ADI1: variants seen among roughly 807,000 people sequenced by gnomAD.
The protein encoded by ADI1 is acireductone dioxygenase 1.
Under a neutral mutation model 18.7 loss-of-function variants are expected in ADI1, and 21 were observed. The observed-to-expected ratio is 1.13, with a 90% CI of 0.80 to 1.62. The LOEUF (loss-of-function observed/expected upper bound fraction) is 1.62. ADI1 is among the 40% of genes most tolerant of loss of function. The pLI is 0.00. For synonymous variants in ADI1, 90 were observed against 100.1 expected (o/e 0.90, Z 0.60); for missense variants, 245 against 254.9 (o/e 0.96, Z 0.26).
chr2:3,501,521 C>T (rs1363916332), intron 2 of ADI1, among the ~76,000 whole-genome samples: 1 of 152,122 alleles, frequency 6.6e-6, no homozygotes, highest in African/African-American at 2.4e-5. Flanking sequence ...TTTTCTATGT[C>T]TTCACATTGA....
chr2:3,502,037 ACACAC>A (rs779052938), intron 2 of ADI1, among the ~76,000 whole-genome samples: 31,583 of 101,846 alleles, frequency 0.31, 3,914 homozygotes, highest in African/African-American at 0.54. Flanking sequence ...ACACACACAC[ACACAC>A]AGAGACAGGG....
At position 3,513,633 on chromosome 2, in the gene ADI1, G is replaced by A. The variant is rs369917723; in HGVS notation, c.240+224C>T. On this transcript the variant is annotated intron_variant, in intron 2 of 3. Transcript: ENST00000327435. Reference sequence around the variant, plus strand: ...ATGTAAGCTTCCTGAGGCCTCCCCAGAAGCAGATGGTGGTGACAGGAAGCA... The same window carrying A: ...ATGTAAGCTTCCTGAGGCCTCCCCAAAAGCAGATGGTGGTGACAGGAAGCA... Among the ~76,000 whole-genome samples, 18 of 152,284 alleles carry A rather than the reference G, an allele frequency of 1.2e-4. No homozygotes were observed. The East Asian group carries it at 1.9e-3, about 16-fold the overall frequency.
At position 3,500,895 on chromosome 2, in the gene ADI1, C is replaced by G; in HGVS notation, c.339G>C (p.Gln113His). ...GYFDVRDKED[Q>H]WIRIFMEKGD... ...CCTTCTCCATGAAGATCCGGATCCA[C>G]TGGTCCTCCTTGTCCCTCACATCGA... Residue 113 changes from glutamine (Q) to histidine (H), a missense_variant, in exon 3 of 4, where the codon CAG becomes CAC. Gln to His is a conservative substitution (Grantham distance 24). Coordinates refer to ENST00000327435, the MANE Select transcript of ADI1 (RefSeq NM_018269.4). The G allele has an allele frequency of 1.9e-6, 3 of 1,614,262 alleles. No homozygotes were observed. Among genetic ancestry groups the G allele is most frequent in the Non-Finnish European group, 2.5e-6 (3 of 1,180,046 alleles).
chr2:3,509,676 T>G (rs1667252669), intron 2 of ADI1, among the ~76,000 whole-genome samples: 2 of 151,978 alleles, frequency 1.3e-5, no homozygotes, highest in East Asian at 3.9e-4. Flanking sequence ...AAAAGTTGTG[T>G]GAAGCCACTA....
At chr2:3,514,749 G>A (rs1667362035) in intron 1 of ADI1, 4 of 1,526,768 alleles carry the variant, frequency 2.6e-6, no homozygotes, top group Non-Finnish European at 3.5e-6. Flanking sequence ...ACTACTGGCA[G>A]TGAATCTAGC....
At chr2:3,500,498 G>GGTGACAACCCTAGAGAT in intron 3 of ADI1, 1 of 491,144 alleles carries the variant, frequency 2.0e-6, no homozygotes, top group Non-Finnish European at 3.7e-6. Flanking sequence ...CAAGGGCTGG[G>GGTGACAACCCTAGAGAT]GCAGGGCCAG....
intron 3 of ADI1, among the ~76,000 whole-genome samples, chr2:3,499,451 G>A (rs1210868489): frequency 6.6e-6 from 1 of 152,172 alleles, no homozygotes; most frequent in South Asian, 2.1e-4. Flanking sequence ...ATTAGCATCA[G>A]GGCCCACATG....
At chr2:3,505,232 T>C (rs545858035) in intron 2 of ADI1, among the ~76,000 whole-genome samples, 4 of 152,342 alleles carry the variant, frequency 2.6e-5, no homozygotes, top group African/African-American at 7.2e-5. Flanking sequence ...ACCAACTCTT[T>C]TTAAATCTGT....
intron 2 of ADI1, among the ~76,000 whole-genome samples, chr2:3,502,204 A>T (rs958634158): frequency 1.3e-4 from 19 of 151,652 alleles, no homozygotes; most frequent in African/African-American, 3.9e-4. Flanking sequence ...TTTTTAAAAA[A>T]ATTTTTTCTA....
intron 3 of ADI1, among the ~76,000 whole-genome samples, chr2:3,499,402 A>G (rs1666943854): frequency 6.6e-6 from 1 of 151,778 alleles, no homozygotes; most frequent in East Asian, 1.9e-4. Flanking sequence ...TGTACCCTCC[A>G]CCTCCTCTCC....
At chr2:3,500,302 G>A (rs12328995) in intron 3 of ADI1, among the ~76,000 whole-genome samples, 45,552 of 151,112 alleles carry the variant, frequency 0.3, 9,879 homozygotes, top group African/African-American at 0.62. Context: ...TACCCCAATC[G>A]CCTCCAGTGA....
rs190691008 is a variant in ADI1, at chr2:3,514,980, G to A, written c.121-1004C>T. 1,752 of 1,275,378 alleles carry A rather than the reference G, an allele frequency of 1.4e-3. 1 individual carries two copies. Among genetic ancestry groups the A allele is most frequent in the Non-Finnish European group, 1.7e-3 (1,622 of 954,958 alleles). The allele number at this position is 1,275,378 out of a possible 1,614,324, so 79.0% of individuals were successfully genotyped here. A position where few individuals can be genotyped will look rare whatever the true frequency, so the allele number is the denominator to read the frequency against. On this transcript the variant is annotated intron_variant, in intron 1 of 3. Transcript: ENST00000327435. ...TTAATCTCTTAATCCTGTTATCTTC[G>A]TAAGCTGAGGATGTATGTCACCTCA...
rs941074924 is a variant in ADI1 at position 3,519,363 on chromosome 2, C to G, written c.120+5G>C. The G allele has an allele frequency of 2.8e-6, 4 of 1,429,022 alleles. No individual in the cohort carries two copies. Among genetic ancestry groups the G allele is most frequent in the Non-Finnish European group, 3.6e-6 (4 of 1,097,378 alleles). The allele number at this position is 1,429,022 out of a possible 1,614,324, so 88.5% of individuals were successfully genotyped here. Reference sequence around the variant, plus strand: ...GCACGCTCTGCGAGGCTTGGGCTCGCGTACCTTCCAGTAGAGCACCCCGAG... The same window carrying G: ...GCACGCTCTGCGAGGCTTGGGCTCGGGTACCTTCCAGTAGAGCACCCCGAG... On this transcript the variant is annotated splice_donor_5th_base_variant and intron_variant, in intron 1 of 3. Coordinates refer to ENST00000327435, the MANE Select transcript of ADI1 (RefSeq NM_018269.4).
Position 3,505,478 on chromosome 2 carries a change from T to A in ADI1, c.241-4485A>T, listed in dbSNP as rs896198496. ...TTTTGTAAATTTTACCTGCAAAAGCTCTACTGGGTCCCAACAGTGAGTATC... is the reference window on the plus strand; with the variant it reads ...TTTTGTAAATTTTACCTGCAAAAGCACTACTGGGTCCCAACAGTGAGTATC... On this transcript the variant is annotated intron_variant, in intron 2 of 3. Coordinates refer to ENST00000327435, the MANE Select transcript of ADI1 (RefSeq NM_018269.4). Among the ~76,000 whole-genome samples, 3 of 152,286 alleles carry A rather than the reference T, an allele frequency of 2.0e-5. No individual in the cohort carries two copies. In the East Asian group the frequency reaches 5.8e-4, roughly 29 times the overall value.
chr2:3,519,503 T>C lies in ADI1; in HGVS notation c.-16A>G. 2.4e-6 allele frequency: 3 copies of C among 1,271,974 alleles called. No individual in the cohort carries two copies. Among genetic ancestry groups the C allele is most frequent in the Non-Finnish European group, 3.0e-6 (3 of 1,006,776 alleles). 78.8% of individuals were successfully genotyped at this position (1,271,974 alleles called of 1,614,324 possible). A position where few individuals can be genotyped will look rare whatever the true frequency, so the allele number is the denominator to read the frequency against. On this transcript the variant is annotated 5_prime_UTR_variant, in exon 1 of 4. Transcript: ENST00000327435. Reference sequence around the variant, plus strand: ...CCTGCACCATGACGCGCAGTGCGGGTGCCGTGTTCGAACCCAGGGGCCGCG... The same window carrying C: ...CCTGCACCATGACGCGCAGTGCGGGCGCCGTGTTCGAACCCAGGGGCCGCG...
intron 1 of ADI1, chr2:3,515,893 C>T (rs1322608909): frequency 2.0e-6 from 2 of 985,146 alleles, no homozygotes; most frequent in Non-Finnish European, 2.4e-6. Flanking sequence ...GGTGGGTTCC[C>T]CCGATACTCC....
intron 1 of ADI1, chr2:3,516,204 G>A (rs1667405619): frequency 9.2e-6 from 3 of 325,434 alleles, no homozygotes; most frequent in Non-Finnish European, 1.3e-5. Flanking sequence ...AGATGGAGCT[G>A]GGCACTGTGG....
In ADI1 at chr2:3,519,415, G is replaced by A; in HGVS notation, c.73C>T (p.Pro25Ser). The A allele has an allele frequency of 4.3e-6, 6 of 1,387,512 alleles. No homozygotes were observed. Among genetic ancestry groups the A allele is most frequent in the Non-Finnish European group, 1.9e-6 (2 of 1,077,846 alleles). 86.0% of individuals were successfully genotyped at this position (1,387,512 alleles called of 1,614,324 possible). A position where few individuals can be genotyped will look rare whatever the true frequency, so the allele number is the denominator to read the frequency against. The change falls in exon 1 of 4, where the codon CCA becomes TCA. Residue 25 changes from proline (P) to serine (S), a missense_variant. By Grantham distance (74) the Pro-to-Ser change is moderately conservative. Coordinates refer to ENST00000327435, the MANE Select transcript of ADI1 (RefSeq NM_018269.4). ...RQPHRPDPGR[P>S]VGLEQLRRLG... The stretch of plus-strand genomic sequence containing the variant: ...CGCCGCAGCTGCTCCAGGCCCACTG[G>A]GCGGCCGGGGTCGGGGCGGTGGGGT...
intron 1 of ADI1, 36 bp downstream of exon 1, chr2:3,519,332 T>C: frequency 7.4e-7 from 1 of 1,356,608 alleles, no homozygotes; most frequent in Non-Finnish European, 9.4e-7. Flanking sequence ...GGGGTCGGCG[T>C]CGCCCGCACG....
Sources: gnomAD v4.1 joint callset for allele counts (sites outside exome capture counted in the v4.1 genomes callset) on GRCh38, gnomAD v4.1.1 for gene constraint, MANE v1.5 for transcripts, NCBI Gene and HGNC (gene_info 2026-07-23, HGNC 2026-07-21) for gene names.